RANBP2: variants seen among roughly 807,000 people sequenced by gnomAD.
The protein encoded by RANBP2 is E3 SUMO-protein ligase RanBP2.
A neutral mutation model predicts 303.6 loss-of-function variants in RANBP2; 57 were observed. The observed-to-expected ratio is 0.19, with a 90% CI of 0.15 to 0.23. The LOEUF (loss-of-function observed/expected upper bound fraction) is 0.23. Ranked by LOEUF, RANBP2 falls within the 10% of genes least tolerant of loss-of-function variation. The pLI, the probability that RANBP2 is intolerant of heterozygous loss-of-function variation, is 1.00. For synonymous variants in RANBP2, 1,167 were observed against 1,301.5 expected (o/e 0.90, Z 2.23); for missense variants, 3,138 against 3,780.8 (o/e 0.83, Z 4.46).
chr2:109,357,077 T>C, the RANBP2 span, among the ~76,000 whole-genome samples: 1,144 of 150,992 alleles, frequency 7.6e-3, 17 homozygotes, highest in African/African-American at 0.026. Context: ...TTTATTATGT[T>C]ATATATAATA....
At chr2:109,530,749 C>A in the RANBP2 span, among the ~76,000 whole-genome samples, 2 of 152,158 alleles carry the variant, frequency 1.3e-5, no homozygotes, top group African/African-American at 4.8e-5. Context: ...TGACCACTGA[C>A]TGCTTGCTCT....
chr2:109,614,988 A>G, the RANBP2 span: 1 of 1,540,780 alleles, frequency 6.5e-7, no homozygotes, highest in East Asian at 2.5e-5. Context: ...CCTACCGCGG[A>G]CTCCAGCCCC....
chr2:108,766,114 T>C lies in RANBP2; in HGVS notation c.5575T>C (p.Phe1859Leu). 6.2e-7 allele frequency: 1 copy of C among 1,614,042 alleles called. No homozygotes were observed. The highest frequency in any genetic ancestry group is 8.5e-7 in the Non-Finnish European group (1 of 1,180,002). ...ASKFGNTEQGFKFGHVDQENS... is the reference protein window; with the variant it reads ...ASKFGNTEQGLKFGHVDQENS... ...TAAGTTTGGCAATACAGAGCAAGGA[T>C]TCAAATTTGGGCATGTGGATCAAGA... The change falls in exon 20 of 29, where the codon TTC becomes CTC. Residue 1859 changes from phenylalanine to leucine, a missense_variant. By Grantham distance (22) the Phe-to-Leu change is conservative. Around this residue, in one of 20 missense-constraint regions of RANBP2, gnomAD observed 348 missense variants for 360.4 expected, o/e 0.97. Transcript: ENST00000283195.
the RANBP2 span, among the ~76,000 whole-genome samples, chr2:109,396,870 A>C: frequency 6.6e-6 from 1 of 152,078 alleles, no homozygotes; most frequent in Non-Finnish European, 1.5e-5. Flanking sequence ...ATGGTCCTTC[A>C]CTTGCCTGCT....
the RANBP2 span, among the ~76,000 whole-genome samples, chr2:109,074,866 C>T: frequency 5.7e-4 from 84 of 147,916 alleles, 2 homozygotes; most frequent in Non-Finnish European, 8.4e-4. Context: ...ACTAAAAATA[C>T]AAAAATTAGC....
At chr2:109,485,227 T>C in the RANBP2 span, among the ~76,000 whole-genome samples, 1 of 145,588 alleles carries the variant, frequency 6.9e-6, no homozygotes, top group Non-Finnish European at 1.5e-5. Context: ...GGGAAATCTG[T>C]TTGAAAGAAG....
the RANBP2 span, chr2:109,544,393 C>T: frequency 1.3e-6 from 2 of 1,531,616 alleles, no homozygotes; most frequent in Non-Finnish European, 1.7e-6. Context: ...AGCAAACATG[C>T]ATCTAGTATA....
At chr2:109,679,314 A>T in the RANBP2 span, among the ~76,000 whole-genome samples, 1 of 152,208 alleles carries the variant, frequency 6.6e-6, no homozygotes, top group African/African-American at 2.4e-5. Flanking sequence ...CATGTCTGCA[A>T]ATGAACACAG....
the RANBP2 span, among the ~76,000 whole-genome samples, chr2:109,195,213 A>T: frequency 3.6e-4 from 2 of 5,542 alleles, no homozygotes; most frequent in Non-Finnish European, 8.7e-4. Flanking sequence ...GAGTGATAGG[A>T]CTAGGACTAG....
At chr2:109,134,009 A>G in the RANBP2 span, among the ~76,000 whole-genome samples, 1 of 152,190 alleles carries the variant, frequency 6.6e-6, no homozygotes, top group Non-Finnish European at 1.5e-5. Context: ...TGTCTATGGT[A>G]TCTGGAAGCT....
At chr2:108,931,909 A>G in the RANBP2 span, among the ~76,000 whole-genome samples, 1 of 152,078 alleles carries the variant, frequency 6.6e-6, no homozygotes, top group African/African-American at 2.4e-5. Flanking sequence ...TGCCACAACA[A>G]AACAGCAAGT....
the RANBP2 span, among the ~76,000 whole-genome samples, chr2:109,704,641 G>A: frequency 6.6e-6 from 1 of 152,282 alleles, no homozygotes; most frequent in South Asian, 2.1e-4. Flanking sequence ...CCTGAGGTCA[G>A]GAGTTCGAGA....
the RANBP2 span, among the ~76,000 whole-genome samples, chr2:109,027,587 C>T: frequency 2.0e-5 from 3 of 152,204 alleles, no homozygotes; most frequent in African/African-American, 7.2e-5. Context: ...GGCCTCAGCT[C>T]CCCTCCTGTA....
the RANBP2 span, among the ~76,000 whole-genome samples, chr2:109,417,747 G>GT: frequency 2.0e-5 from 3 of 152,318 alleles, no homozygotes; most frequent in Admixed American, 2.0e-4. Flanking sequence ...GGAAGAAATC[G>GT]TTTCTGACTT....
At chr2:109,439,186 C>T in the RANBP2 span, among the ~76,000 whole-genome samples, 2 of 152,156 alleles carry the variant, frequency 1.3e-5, no homozygotes, top group Non-Finnish European at 2.9e-5. Flanking sequence ...TGTCTCAGTC[C>T]TCCATCACCA....
At chr2:108,929,464 G>T in the RANBP2 span, 3 of 1,409,418 alleles carry the variant, frequency 2.1e-6, no homozygotes, top group South Asian at 1.2e-5. Flanking sequence ...GGGCAGTGAC[G>T]TGCCAGCTGT....
the RANBP2 span, among the ~76,000 whole-genome samples, chr2:109,259,542 A>G: frequency 2.0e-5 from 3 of 152,174 alleles, no homozygotes; most frequent in Non-Finnish European, 4.4e-5. Flanking sequence ...ATGCCTTAAC[A>G]TCCCAAGAGG....
the RANBP2 span, among the ~76,000 whole-genome samples, chr2:109,506,226 G>A: frequency 4.6e-5 from 7 of 152,202 alleles, no homozygotes; most frequent in African/African-American, 1.7e-4. Context: ...TTTTGTGATG[G>A]GAGTTGGTAT....
chr2:109,320,740 G>A, the RANBP2 span, among the ~76,000 whole-genome samples: 4 of 152,310 alleles, frequency 2.6e-5, no homozygotes, highest in East Asian at 1.9e-4. Flanking sequence ...AGTAAACAAC[G>A]TCAGGCAGAT....
Sources: gnomAD v4.1 joint callset for allele counts (sites outside exome capture counted in the v4.1 genomes callset) on GRCh38, gnomAD v4.1.1 for gene constraint, gnomAD v4.1.1 regional missense constraint, MANE v1.5 for transcripts, NCBI Gene and HGNC (gene_info 2026-07-23, HGNC 2026-07-21) for gene names.